The following CENPP variants were observed in gnomAD, a reference collection of about 807,000 sequenced individuals.
The protein encoded by CENPP is centromere protein P.
Under a neutral mutation model 35.6 loss-of-function variants are expected in CENPP, and 24 were observed. The ratio of observed to expected loss-of-function variants is 0.67; its 90% CI spans 0.49 to 0.95. The LOEUF (loss-of-function observed/expected upper bound fraction) is 0.95, where lower values mean the gene tolerates loss of function less well. Among genes scored for constraint, CENPP ranks in the 40% least tolerant of loss-of-function variants. The probability of loss-of-function intolerance (pLI) is 0.00; values close to 1 mark genes in which losing one functional copy is unlikely to be tolerated. For synonymous variants in CENPP, 120 were observed against 125.5 expected, an observed-to-expected ratio of 0.96 and a Z score of 0.29; for missense variants, 332 against 345.3, an observed-to-expected ratio of 0.96 and a Z score of 0.31.
chr9:92,408,803 T>A (rs775488824), intron 5 of CENPP, among the ~76,000 whole-genome samples: 62 of 152,050 alleles, frequency 4.1e-4, no homozygotes, highest in Non-Finnish European at 1.6e-4. Context: ...TGGGTGGGGG[T>A]TGGGGAAGCA....
chr9:92,520,654 T>C (rs911931917), intron 5 of CENPP, among the ~76,000 whole-genome samples: 5 of 152,198 alleles, frequency 3.3e-5, no homozygotes, highest in African/African-American at 9.7e-5. Context: ...AAAACTTATA[T>C]TAATGTTCAT....
At chr9:92,508,073 G>A (rs982800275) in intron 5 of CENPP, among the ~76,000 whole-genome samples, 1 of 152,198 alleles carries the variant, frequency 6.6e-6, no homozygotes, top group Admixed American at 6.5e-5. Context: ...CACCCCAAGA[G>A]AGATGACGGG....
intron 5 of CENPP, among the ~76,000 whole-genome samples, chr9:92,531,654 C>T (rs1848760540): frequency 6.6e-6 from 1 of 152,130 alleles, no homozygotes; most frequent in Non-Finnish European, 1.5e-5. Context: ...AAGAATGTTT[C>T]CAGGCATTAC....
intron 5 of CENPP, among the ~76,000 whole-genome samples, chr9:92,575,298 A>G (rs1286424121): frequency 2.6e-5 from 4 of 152,186 alleles, no homozygotes; most frequent in African/African-American, 9.6e-5. Context: ...TTTGCAAATC[A>G]TGTATCTGAT....
At chr9:92,564,831 T>G (rs1435458991) in intron 5 of CENPP, among the ~76,000 whole-genome samples, 1 of 152,196 alleles carries the variant, frequency 6.6e-6, no homozygotes, top group East Asian at 1.9e-4. Flanking sequence ...TTTCACACAT[T>G]GTTGATAGAA....
At chr9:92,400,577 A>G (rs934697947) in intron 5 of CENPP, among the ~76,000 whole-genome samples, 1 of 152,056 alleles carries the variant, frequency 6.6e-6, no homozygotes, top group Admixed American at 6.6e-5. Flanking sequence ...GGTTTTTGTC[A>G]TGTTTTCATG....
chr9:92,571,430 C>T (rs1439969276), intron 5 of CENPP, among the ~76,000 whole-genome samples: 1 of 152,178 alleles, frequency 6.6e-6, no homozygotes, highest in Non-Finnish European at 1.5e-5. Flanking sequence ...TTTGATTGCA[C>T]TGTGGTCTGA....
At chr9:92,416,001 T>C (rs901284079) in intron 5 of CENPP, among the ~76,000 whole-genome samples, 13 of 145,760 alleles carry the variant, frequency 8.9e-5, no homozygotes, top group African/African-American at 3.2e-4. Context: ...TTATCAGTTA[T>C]ATATATAAAA....
chr9:92,360,521 T>A (rs578115783), intron 4 of CENPP, among the ~76,000 whole-genome samples: 2 of 152,258 alleles, frequency 1.3e-5, no homozygotes, highest in East Asian at 1.9e-4. Context: ...GAGCTGTGAT[T>A]ATGCTATTGC....
Position 92,573,857 on chromosome 9 carries a change from T to G in CENPP, c.565-37457T>G, listed in dbSNP as rs554855411. Among the ~76,000 whole-genome samples the G allele has an allele frequency of 5.9e-5, 9 of 152,338 alleles. No homozygotes were observed. In the East Asian group the frequency reaches 1.7e-3, roughly 29 times the overall value. ...GCAGTTGGATCTCAGACTGCTGTGC[T>G]AGCAGTGAGCGAGGCTTCGTGGGCA... On this transcript the variant is annotated intron_variant, in intron 5 of 7. Coordinates refer to ENST00000375587, the MANE Select transcript of CENPP (RefSeq NM_001012267.3).
chr9:92,598,834 G>A (rs560339470), intron 5 of CENPP, among the ~76,000 whole-genome samples: 76 of 151,270 alleles, frequency 5.0e-4, no homozygotes, highest in African/African-American at 1.8e-3. Flanking sequence ...GAGGCCAGGC[G>A]CAGTGGCTCA....
intron 5 of CENPP, among the ~76,000 whole-genome samples, chr9:92,409,746 A>G (rs545607725): frequency 6.6e-6 from 1 of 152,382 alleles, no homozygotes; most frequent in East Asian, 1.9e-4. Flanking sequence ...AATACTTGGT[A>G]GTATAATGAG....
At chr9:92,381,204 C>T (rs1842233013) in intron 5 of CENPP, among the ~76,000 whole-genome samples, 1 of 152,034 alleles carries the variant, frequency 6.6e-6, no homozygotes, top group Non-Finnish European at 1.5e-5. Context: ...TTCTAGGTAC[C>T]TCATATATGT....
intron 5 of CENPP, among the ~76,000 whole-genome samples, chr9:92,515,978 G>A (rs1404886668): frequency 6.6e-6 from 1 of 152,122 alleles, no homozygotes; most frequent in Non-Finnish European, 1.5e-5. Flanking sequence ...GTCTTTGGCA[G>A]AAAGTGGGGA....
chr9:92,494,075 T>C (rs771788728), intron 5 of CENPP: 1 of 1,597,134 alleles, frequency 6.3e-7, no homozygotes, highest in Non-Finnish European at 8.5e-7. Context: ...ATTTCCTGCT[T>C]ATTGCCTCTA....
intron 5 of CENPP, chr9:92,494,107 T>G (rs1472597712): frequency 5.0e-6 from 8 of 1,597,848 alleles, no homozygotes; most frequent in Non-Finnish European, 6.8e-6. Context: ...AGGCCACATC[T>G]GATCTGTTTG....
intron 3 of CENPP, among the ~76,000 whole-genome samples, chr9:92,344,369 G>A (rs1036032195): frequency 6.6e-6 from 1 of 152,098 alleles, no homozygotes; most frequent in Non-Finnish European, 1.5e-5. Flanking sequence ...GTGCTCCTGA[G>A]ATTTTTGCTT....
chr9:92,460,420 T>C (rs1466872723), intron 5 of CENPP: 1 of 1,080,580 alleles, frequency 9.3e-7, no homozygotes, highest in Non-Finnish European at 1.4e-6. Flanking sequence ...CCAGGGTCCC[T>C]GTGCACATTC....
chr9:92,424,165 C>A (rs1029877289), intron 5 of CENPP: 2 of 152,056 alleles, frequency 1.3e-5, no homozygotes, highest in Non-Finnish European at 2.9e-5. Context: ...AGTAGGAATA[C>A]ATTCTTAAAA....
Sources: gnomAD v4.1 joint callset for allele counts (sites outside exome capture counted in the v4.1 genomes callset) on GRCh38, gnomAD v4.1.1 for gene constraint, MANE v1.5 for transcripts, NCBI Gene and HGNC (gene_info 2026-07-23, HGNC 2026-07-21) for gene names.